The following MICAL3 variants were observed in gnomAD, a reference collection of about 807,000 sequenced individuals.
The protein encoded by MICAL3 is microtubule associated monooxygenase, calponin and LIM domain containing 3.
Under a neutral mutation model 207.4 loss-of-function variants are expected in MICAL3, and 62 were observed. The observed-to-expected ratio is 0.30, with a 90% CI of 0.24 to 0.37. MICAL3 has a LOEUF of 0.37. Ranked by LOEUF, MICAL3 falls within the 10% of genes least tolerant of loss-of-function variation. The pLI is 1.00. For synonymous variants in MICAL3, 1,077 were observed against 1,069.3 expected, an observed-to-expected ratio of 1.01 and a Z score of -0.14; for missense variants, 2,368 against 2,635.6, an observed-to-expected ratio of 0.90 and a Z score of 2.22.
At position 17,827,747 on chromosome 22, in the gene MICAL3, C is replaced by T. The variant is rs770292352; in HGVS notation, c.3090G>A (p.Ala1030=). The change falls in exon 22 of 32, where the codon GCG becomes GCA. Residue 1030 remains alanine (A), a synonymous_variant. Transcript: ENST00000441493. The stretch of plus-strand genomic sequence containing the variant: ...CAGCCTGGATCTCCAGAGGATCCGC[C>T]GCGTGCATGACCTGCTGGAGCCTCT... ...GNQRLQQVMH[A]ADPLEIQADV... is the part of the protein sequence containing the mutation. 1.2e-5 allele frequency: 18 copies of T among 1,558,318 alleles called. No homozygotes were observed. Among genetic ancestry groups the T allele is most frequent in the East Asian group, 4.8e-5 (2 of 41,494 alleles).
intron 1 of MICAL3, among the ~76,000 whole-genome samples, chr22:17,948,912 C>CAAAAAAAAAA (rs112234424): frequency 0.013 from 1,336 of 106,424 alleles, 75 homozygotes; most frequent in African/African-American, 0.051. Flanking sequence ...GATGCTGCCT[C>CAAAAAAAAAA]AAAAAAAAAA....
At position 17,790,614 on chromosome 22, in the gene MICAL3, C is replaced by T. The variant is rs1165073684; in HGVS notation, c.*118G>A. The T allele has an allele frequency of 2.2e-6, 2 of 900,152 alleles. No individual in the cohort carries two copies. 55.8% of individuals were successfully genotyped at this position (900,152 alleles called of 1,614,324 possible). On this transcript the variant is annotated 3_prime_UTR_variant, in exon 32 of 32. Transcript: ENST00000441493. ...GACCACTTTCCAAGCAGCACACGGG[C>T]ATCTGAGCGTAAACTCCAAGGAGGT... is the stretch of plus-strand genomic sequence containing the variant.
At chr22:17,798,825 C>T (rs1368186038) in intron 29 of MICAL3, among the ~76,000 whole-genome samples, 1 of 151,858 alleles carries the variant, frequency 6.6e-6, no homozygotes, top group East Asian at 2.0e-4. Flanking sequence ...AGGCGCCCGC[C>T]ACCACACCCG....
intron 19 of MICAL3, chr22:17,842,295 C>A: frequency 4.0e-6 from 2 of 496,592 alleles, no homozygotes; most frequent in Non-Finnish European, 3.7e-6. Flanking sequence ...GAGACGCAGT[C>A]TCCCCACAAG....
chr22:17,849,695 T>G (rs1233835099), intron 19 of MICAL3, among the ~76,000 whole-genome samples: 22 of 136,430 alleles, frequency 1.6e-4, no homozygotes, highest in Admixed American at 1.4e-3. Context: ...TGTATTTTTT[T>G]TTTTTTTTTT....
In MICAL3 at chr22:17,987,014, G is replaced by A. The variant is rs1294099458; in HGVS notation, c.-75+37267C>T. ...AACGCTTTGGGAGGCTGAGGCAGGA[G>A]AATCATTGAGACTAGGAGTTCGAGG... On this transcript the variant is annotated intron_variant, in intron 1 of 31. Transcript: ENST00000441493. 2.6e-5 allele frequency among the ~76,000 whole-genome samples: 4 copies of A among 152,082 alleles called. 1 individual carries two copies. The South Asian group carries it at 8.3e-4, about 32-fold the overall frequency.
chr22:17,872,207 A>G (rs1049163619), intron 16 of MICAL3, among the ~76,000 whole-genome samples, 184 bp from the exon 17 acceptor site: 1 of 152,238 alleles, frequency 6.6e-6, no homozygotes, highest in Non-Finnish European at 1.5e-5. Context: ...GCACCGCCAC[A>G]GTCACTGCCT....
In MICAL3 at chr22:17,906,536, G is replaced by A. The variant is rs565328971; in HGVS notation, c.264+13C>T. ...CGTCAGTGACCCCAGGGCCCAACAGGAGCAAAGCTTACCTTGGTGTTAGTG... is the reference window on the plus strand; with the variant it reads ...CGTCAGTGACCCCAGGGCCCAACAGAAGCAAAGCTTACCTTGGTGTTAGTG... On this transcript the variant is annotated intron_variant, in intron 2 of 31. Coordinates refer to ENST00000441493, the MANE Select transcript of MICAL3 (RefSeq NM_015241.3). 1.1e-5 allele frequency: 17 copies of A among 1,612,200 alleles called. No individual in the cohort carries two copies. Among genetic ancestry groups the A allele is most frequent in the East Asian group, 4.5e-5 (2 of 44,828 alleles).
chr22:17,970,154 G>A (rs988893388), intron 1 of MICAL3, among the ~76,000 whole-genome samples: 8 of 152,290 alleles, frequency 5.3e-5, no homozygotes, highest in East Asian at 1.9e-4. Flanking sequence ...CTCTTCTCTC[G>A]GTCCCACCTT....
At position 17,847,498 on chromosome 22, in the gene MICAL3, G is replaced by A. The variant is rs1321623603; in HGVS notation, c.2606-5481C>T. ...CAGCCAGACACCCTGCAGGCGCTCA[G>A]GCACACCAGTGACACAGCAGACAAG... On this transcript the variant is annotated intron_variant, in intron 19 of 31. Transcript: ENST00000441493. 3.9e-5 allele frequency among the ~76,000 whole-genome samples: 6 copies of A among 152,168 alleles called. No homozygotes were observed. In the East Asian group the frequency reaches 1.2e-3, roughly 29 times the overall value.
intron 1 of MICAL3, among the ~76,000 whole-genome samples, chr22:17,990,521 C>T (rs1301987148): frequency 5.3e-5 from 8 of 152,144 alleles, no homozygotes; most frequent in East Asian, 3.9e-4. Flanking sequence ...GACTGTTACG[C>T]CCTTCATTGC....
intron 27 of MICAL3, among the ~76,000 whole-genome samples, chr22:17,811,850 TCCTCCCGCCTCAG>T (rs1207224864): frequency 1.3e-5 from 2 of 152,174 alleles, no homozygotes; most frequent in Non-Finnish European, 2.9e-5. Flanking sequence ...ACTCACGTGA[TCCTCCCGCCTCAG>T]CCTCCCGAGT....
chr22:17,790,772 G>C lies in MICAL3; in HGVS notation c.5969C>G (p.Ala1990Gly). The change falls in exon 32 of 32, where the codon GCT becomes GGT. Residue 1990 changes from alanine to glycine, a missense_variant. By Grantham distance (60) the Ala-to-Gly change is moderately conservative. Around this residue, in one of 4 missense-constraint regions of MICAL3, gnomAD observed 1,770 missense variants for 1,863.2 expected, o/e 0.95. Coordinates refer to ENST00000441493, the MANE Select transcript of MICAL3 (RefSeq NM_015241.3). ...REREEDKDLE[A>G]AMLSKGFSLN... ...GCTGAAGCCCTTGGACAGCATGGCA[G>C]CCTCCAGGTCCTTGTCCTCCTCTCT... The C allele has an allele frequency of 6.2e-7, 1 of 1,611,072 alleles. No individual in the cohort carries two copies. The highest frequency in any genetic ancestry group is 8.5e-7 in the Non-Finnish European group (1 of 1,178,656).
intron 1 of MICAL3, among the ~76,000 whole-genome samples, chr22:17,907,899 CGAATT>C (rs1931857882): frequency 6.6e-6 from 1 of 152,134 alleles, no homozygotes; most frequent in Admixed American, 6.5e-5. Context: ...CACCCTGAAT[CGAATT>C]GAACAGCAGT....
At chr22:17,945,575 C>A (rs1451750713) in intron 1 of MICAL3, among the ~76,000 whole-genome samples, 2 of 152,216 alleles carry the variant, frequency 1.3e-5, no homozygotes, top group African/African-American at 4.8e-5. Context: ...GACCTGGGTT[C>A]TTCTCCCTGA....
rs984568520 is a variant in MICAL3, at chr22:17,790,180, T to C, written c.*552A>G. On this transcript the variant is annotated 3_prime_UTR_variant, in exon 32 of 32. Transcript: ENST00000441493. ...TCCTGCGTCCTCCTAATTTGCATAA[T>C]AATTCAGGAGCCTGCCCGCACCTCC... is the stretch of plus-strand genomic sequence containing the variant. The C allele has an allele frequency of 6.5e-6, 1 of 152,772 alleles. No individual in the cohort carries two copies. Among genetic ancestry groups the C allele is most frequent in the Non-Finnish European group, 1.5e-5 (1 of 68,526 alleles). 9.5% of individuals were successfully genotyped at this position (152,772 alleles called of 1,614,324 possible).
chr22:17,812,487 T>C (rs951716266), intron 27 of MICAL3: 1 of 985,328 alleles, frequency 1.0e-6, no homozygotes, highest in Non-Finnish European at 1.2e-6. Flanking sequence ...GGTGACCAGC[T>C]GACAGGAACG....
chr22:17,910,462 C>T (rs1602201924), intron 1 of MICAL3, among the ~76,000 whole-genome samples: 1 of 152,238 alleles, frequency 6.6e-6, no homozygotes, highest in Admixed American at 6.5e-5. Flanking sequence ...CAGATGTCAG[C>T]CACAGCTCCC....
intron 20 of MICAL3, 85 bp from the exon 21 acceptor site, chr22:17,832,192 T>C: frequency 2.0e-6 from 3 of 1,483,402 alleles, no homozygotes; most frequent in Non-Finnish European, 2.7e-6. Flanking sequence ...TCAGAAACAA[T>C]GCATGTCAGG....
Sources: gnomAD v4.1 joint callset for allele counts (sites outside exome capture counted in the v4.1 genomes callset) on GRCh38, gnomAD v4.1.1 for gene constraint, gnomAD v4.1.1 regional missense constraint, MANE v1.5 for transcripts, NCBI Gene and HGNC (gene_info 2026-07-23, HGNC 2026-07-21) for gene names.